Variants in VWA8 observed in about 807,000 individuals in gnomAD.
VWA8 encodes von Willebrand factor A domain containing 8, also known as von Willebrand factor A domain-containing protein 8.
VWA8 carries 221 observed loss-of-function variants against 241.5 expected under a neutral mutation model. That is an observed-to-expected ratio of 0.91 (90% CI 0.82 to 1.02). VWA8 has a LOEUF of 1.02. VWA8 is among the 50% of genes least tolerant of loss of function. The pLI is 0.00. For missense variants in VWA8, 2,322 were observed against 2,328.7 expected (o/e 1.00, Z 0.06); for synonymous variants, 852 against 827.1 (o/e 1.03, Z -0.52).
intron 4 of VWA8, among the ~76,000 whole-genome samples, chr13:41,897,632 G>C (rs192575579): frequency 6.6e-6 from 1 of 152,060 alleles, no homozygotes; most frequent in Non-Finnish European, 1.5e-5. Context: ...AGACCCTCGC[G>C]GTGTGTGTTA....
At chr13:41,787,368 A>G in intron 18 of VWA8, 69 bp downstream of exon 18, 1 of 1,290,058 alleles carries the variant, frequency 7.8e-7, no homozygotes, top group Non-Finnish European at 1.1e-6. Flanking sequence ...ACTGGAATTA[A>G]AATAAACAGC....
chr13:41,830,463 A>G, intron 14 of VWA8, 66 bp downstream of exon 14: 1 of 1,345,056 alleles, frequency 7.4e-7, no homozygotes, highest in Non-Finnish European at 1.0e-6. Flanking sequence ...GTTTAGAAAA[A>G]TCATAAAAAG....
intron 9 of VWA8, among the ~76,000 whole-genome samples, chr13:41,868,731 A>G (rs1036148557): frequency 6.6e-6 from 1 of 151,606 alleles, no homozygotes; most frequent in African/African-American, 2.4e-5. Context: ...TAAAAAATAG[A>G]AAAAAAATTA....
chr13:41,765,650 C>T (rs2045774249), intron 20 of VWA8, among the ~76,000 whole-genome samples: 1 of 152,100 alleles, frequency 6.6e-6, no homozygotes, highest in Non-Finnish European at 1.5e-5. Context: ...ATTTTTCCCA[C>T]TGGGAAACTT....
chr13:41,726,025 A>G (rs1158561669), intron 24 of VWA8, among the ~76,000 whole-genome samples: 2 of 152,206 alleles, frequency 1.3e-5, no homozygotes, highest in South Asian at 4.1e-4. Flanking sequence ...ATACAAGCAT[A>G]TGCATGTACA....
At chr13:41,657,654 T>G (rs1001158203) in intron 37 of VWA8, among the ~76,000 whole-genome samples, 2 of 149,546 alleles carry the variant, frequency 1.3e-5, no homozygotes, top group East Asian at 3.9e-4. Flanking sequence ...CGCGCCCGGC[T>G]AATTTTTTGT....
intron 44 of VWA8, among the ~76,000 whole-genome samples, chr13:41,569,628 T>C (rs1221061869): frequency 6.6e-6 from 1 of 151,584 alleles, no homozygotes; most frequent in African/African-American, 2.4e-5. Flanking sequence ...CGTAGGCCCT[T>C]TGTGCTTTAG....
chr13:41,792,880 G>A (rs1004919982), intron 17 of VWA8, among the ~76,000 whole-genome samples: 9 of 152,018 alleles, frequency 5.9e-5, no homozygotes, highest in Non-Finnish European at 1.0e-4. Context: ...TGTTACTGGA[G>A]TATAGGAAAT....
chr13:41,909,418 A>G (rs900694437), intron 3 of VWA8, among the ~76,000 whole-genome samples: 26 of 152,358 alleles, frequency 1.7e-4, no homozygotes, highest in Admixed American at 2.6e-4. Context: ...AGATGTGGTG[A>G]TACCTAAGGA....
intron 17 of VWA8, among the ~76,000 whole-genome samples, chr13:41,791,781 C>T (rs1451081127): frequency 6.6e-6 from 1 of 151,750 alleles, no homozygotes; most frequent in Non-Finnish European, 1.5e-5. Flanking sequence ...TTTATATATT[C>T]ATTTCCTACT....
intron 2 of VWA8, chr13:41,927,417 A>G (rs1876899148): frequency 2.3e-6 from 1 of 442,346 alleles, no homozygotes; most frequent in Non-Finnish European, 4.6e-6. Context: ...CAAGGTCTGC[A>G]AGGGAATTCT....
chr13:41,907,750 T>C (rs1286203346), intron 3 of VWA8, 54 bp from the exon 4 acceptor site: 15 of 1,520,606 alleles, frequency 9.9e-6, no homozygotes, highest in Non-Finnish European at 1.4e-5. Context: ...TTCCAGCATA[T>C]GATTTGGAAC....
chr13:41,600,304 C>A (rs943185103), intron 40 of VWA8, among the ~76,000 whole-genome samples: 3 of 152,104 alleles, frequency 2.0e-5, no homozygotes, highest in Non-Finnish European at 4.4e-5. Flanking sequence ...AGTCATGCAG[C>A]CCAGAAGTCA....
At chr13:41,935,448 T>C (rs1308622449) in intron 2 of VWA8, among the ~76,000 whole-genome samples, 1 of 152,088 alleles carries the variant, frequency 6.6e-6, no homozygotes, top group African/African-American at 2.4e-5. Context: ...AAGCATGAAC[T>C]TATTTTTGTG....
chr13:41,821,611 A>C (rs1315872757), intron 14 of VWA8, among the ~76,000 whole-genome samples: 2 of 152,186 alleles, frequency 1.3e-5, no homozygotes, highest in Admixed American at 6.5e-5. Context: ...GTTAGGTTTA[A>C]TTTTACTAAA....
intron 22 of VWA8, among the ~76,000 whole-genome samples, chr13:41,731,448 T>TA (rs1306397269): frequency 1.3e-5 from 2 of 151,562 alleles, no homozygotes; most frequent in African/African-American, 2.4e-5. Context: ...TAGTAAACTT[T>TA]AAAAAAAAAT....
At chr13:41,846,537 T>C (rs970485046) in intron 12 of VWA8, among the ~76,000 whole-genome samples, 1 of 152,116 alleles carries the variant, frequency 6.6e-6, no homozygotes, top group African/African-American at 2.4e-5. Flanking sequence ...CTGAATCAAG[T>C]GAAGAAACAA....
At chr13:41,645,605 G>A (rs2044826203) in intron 37 of VWA8, among the ~76,000 whole-genome samples, 1 of 152,110 alleles carries the variant, frequency 6.6e-6, no homozygotes, top group South Asian at 2.1e-4. Flanking sequence ...CATGTTTGCT[G>A]TCAGTTGCAA....
chr13:41,907,513 C>A, intron 4 of VWA8, 73 bp downstream of exon 4: 4 of 1,343,958 alleles, frequency 3.0e-6, no homozygotes, highest in Non-Finnish European at 4.3e-6. Flanking sequence ...GAGCTACTCT[C>A]TTTCTACTTT....
Sources: allele counts gnomAD v4.1 joint callset (sites outside exome capture counted in the v4.1 genomes callset), GRCh38; gene constraint gnomAD v4.1.1; transcripts MANE v1.5; gene names NCBI Gene and HGNC (gene_info 2026-07-23, HGNC 2026-07-21).